ZNF880: variants seen among roughly 807,000 people sequenced by gnomAD.
The protein encoded by ZNF880 is zinc finger protein 880, also known as zinc finger protein LOC400713.
Under a neutral mutation model 11.8 loss-of-function variants are expected in ZNF880, and 12 were observed. The ratio of observed to expected loss-of-function variants is 1.02; its 90% CI spans 0.65 to 1.65. The LOEUF is 1.65. Ranked by LOEUF, ZNF880 falls within the 40% of genes most tolerant of loss-of-function variation. The pLI is 0.00. For missense variants in ZNF880, 601 were observed against 673.9 expected (o/e 0.89, Z 1.20); for synonymous variants, 210 against 232.4 (o/e 0.90, Z 0.88).
intron 3 of ZNF880, chr19:52,379,327 G>A (rs1986643151): frequency 7.7e-6 from 3 of 389,936 alleles, no homozygotes; most frequent in African/African-American, 4.3e-5. Flanking sequence ...TCCTTTACCT[G>A]ATTAAGATAT....
At chr19:52,393,018 T>A in the ZNF880 span, among the ~76,000 whole-genome samples, 10 of 151,328 alleles carry the variant, frequency 6.6e-5, no homozygotes, top group African/African-American at 2.4e-4. Flanking sequence ...TTTGGGAAAC[T>A]CTGCAACTGG....
At position 52,383,997 on chromosome 19, in the gene ZNF880, C is replaced by A. The variant is rs750891968; in HGVS notation, c.417C>A (p.Asn139Lys). 3.2e-6 allele frequency: 5 copies of A among 1,553,510 alleles called. 1 individual carries two copies. The South Asian group carries it at 5.9e-5, about 18-fold the overall frequency. Residue 139 changes from asparagine (N) to lysine (K), a missense_variant, in exon 4 of 4, where the codon AAC becomes AAA. Transcript: ENST00000422689. The part of the protein sequence containing the change: ...SGCKHVEKPI[N>K]NSLVSPLQKI... The stretch of plus-strand genomic sequence containing the variant: ...GTAAACATGTCGAAAAACCTATCAA[C>A]AATTCCTTAGTTTCACCACTTCAAA...
the ZNF880 span, chr19:52,390,906 T>C: frequency 3.4e-3 from 515 of 153,474 alleles, 2 homozygotes; most frequent in South Asian, 0.02. Flanking sequence ...CACTCCAGCC[T>C]GGGCGACGAG....
downstream of ZNF880, among the ~76,000 whole-genome samples, chr19:52,385,951 G>A (rs188154028): frequency 1.2e-4 from 17 of 142,428 alleles, 2 homozygotes; most frequent in East Asian, 2.0e-4. Flanking sequence ...TGAGGCGGGC[G>A]GATCACGAGG....
upstream of ZNF880, among the ~76,000 whole-genome samples, chr19:52,368,451 T>C (rs1194904552): frequency 6.6e-6 from 1 of 152,124 alleles, no homozygotes; most frequent in Non-Finnish European, 1.5e-5. Context: ...GGCTTGGATC[T>C]TGAGAATGAT....
chr19:52,391,836 G>C, the ZNF880 span, among the ~76,000 whole-genome samples: 2 of 151,678 alleles, frequency 1.3e-5, no homozygotes, highest in East Asian at 3.9e-4. Context: ...GATGGGGTAG[G>C]GTGTGTGAGT....
chr19:52,385,514 T>A lies in ZNF880; in HGVS notation c.*200T>A. The A allele has an allele frequency of 1.7e-6, 1 of 602,622 alleles. No homozygotes were observed. Among genetic ancestry groups the A allele is most frequent in the Non-Finnish European group, 2.9e-6 (1 of 350,490 alleles). 37.3% of individuals were successfully genotyped at this position (602,622 alleles called of 1,614,324 possible). ...GGTCTCTTGAGGCCTGCCAAATGAC[T>A]AGATATCAAAACATACATCTTGGAT... On this transcript the variant is annotated 3_prime_UTR_variant, in exon 4 of 4. Transcript: ENST00000422689.
the ZNF880 span, chr19:52,391,510 AAG>A: frequency 1.3e-5 from 2 of 152,150 alleles, no homozygotes; most frequent in Non-Finnish European, 2.9e-5. Context: ...GGGAAAAATA[AAG>A]AGAAAAAAAA....
At chr19:52,377,123 A>T (rs1436409325) in intron 3 of ZNF880, among the ~76,000 whole-genome samples, 1 of 151,996 alleles carries the variant, frequency 6.6e-6, no homozygotes, top group East Asian at 1.9e-4. Flanking sequence ...ATTTTATCTG[A>T]TGCTAAGTTT....
At chr19:52,390,760 C>T (rs2058704702), downstream of ZNF880, 1 of 152,498 alleles carries the variant, frequency 6.6e-6, no homozygotes, top group African/African-American at 2.4e-5. Flanking sequence ...CATGGAGAAA[C>T]CCTGTCTCTA....
At chr19:52,377,558 A>C (rs754485769) in intron 3 of ZNF880, among the ~76,000 whole-genome samples, 6 of 152,226 alleles carry the variant, frequency 3.9e-5, no homozygotes, top group Non-Finnish European at 5.9e-5. Context: ...AATCACAAGT[A>C]GCAGGTTGTC....
At chr19:52,390,428 C>T (rs1568668573), downstream of ZNF880, 4 of 328,790 alleles carry the variant, frequency 1.2e-5, no homozygotes, top group Admixed American at 1.4e-4. Context: ...GATCGGGGGC[C>T]CTTCTGCTCC....
chr19:52,391,947 G>A, the ZNF880 span, among the ~76,000 whole-genome samples: 1 of 152,186 alleles, frequency 6.6e-6, no homozygotes, highest in Non-Finnish European at 1.5e-5. Context: ...ATCAAAATGT[G>A]TGGGGATTAC....
the ZNF880 span, among the ~76,000 whole-genome samples, chr19:52,391,871 A>T: frequency 6.6e-6 from 1 of 152,122 alleles, no homozygotes; most frequent in Non-Finnish European, 1.5e-5. Context: ...GAAAAACCAA[A>T]GTGTTTTTTC....
chr19:52,393,824 T>C, the ZNF880 span, among the ~76,000 whole-genome samples: 2 of 146,250 alleles, frequency 1.4e-5, no homozygotes, highest in Admixed American at 1.4e-4. Flanking sequence ...ATGTATTTCT[T>C]TGCCCCCCCC....
the ZNF880 span, among the ~76,000 whole-genome samples, chr19:52,395,124 C>T: frequency 5.3e-5 from 8 of 152,174 alleles, no homozygotes; most frequent in Non-Finnish European, 1.0e-4. Flanking sequence ...TGTTGGTACA[C>T]TATTTTTTTT....
In ZNF880 at chr19:52,372,222, T is replaced by C. The variant is rs117450388; in HGVS notation, c.13-889T>C. Among the ~76,000 whole-genome samples, 563 of 151,836 alleles carry C rather than the reference T, an allele frequency of 3.7e-3. 4 individuals are homozygous for C. The highest frequency in any genetic ancestry group is 6.8e-3 in the Middle Eastern group (2 of 294). ...TTATATATATTGTATCTGACGCTTCTATAGAAATAACTGTGGGTTAATTTT... is the reference window on the plus strand; with the variant it reads ...TTATATATATTGTATCTGACGCTTCCATAGAAATAACTGTGGGTTAATTTT... On this transcript the variant is annotated intron_variant, in intron 1 of 3. Coordinates refer to ENST00000422689, the MANE Select transcript of ZNF880 (RefSeq NM_001145434.2).
At chr19:52,376,699 G>A (rs941805819) in intron 3 of ZNF880, among the ~76,000 whole-genome samples, 3 of 151,738 alleles carry the variant, frequency 2.0e-5, no homozygotes, top group East Asian at 1.9e-4. Context: ...TAGTAGAGAC[G>A]GGGTTTCATT....
chr19:52,377,399 G>A (rs965785110), intron 3 of ZNF880, among the ~76,000 whole-genome samples: 1 of 152,114 alleles, frequency 6.6e-6, no homozygotes, highest in Non-Finnish European at 1.5e-5. Flanking sequence ...AACCGAATGG[G>A]TGGGGATTTC....
Sources: allele counts gnomAD v4.1 joint callset (sites outside exome capture counted in the v4.1 genomes callset), GRCh38; gene constraint gnomAD v4.1.1; transcripts MANE v1.5; gene names NCBI Gene and HGNC (gene_info 2026-07-23, HGNC 2026-07-21).